INPP5A: variants seen among roughly 807,000 people sequenced by gnomAD.
INPP5A encodes inositol polyphosphate-5-phosphatase A.
INPP5A carries 14 observed loss-of-function variants against 65.2 expected under a neutral mutation model. The ratio of observed to expected loss-of-function variants is 0.21; its 90% CI spans 0.14 to 0.34. INPP5A has a LOEUF of 0.34. Among genes scored for constraint, INPP5A ranks in the 10% least tolerant of loss-of-function variants. The pLI is 1.00. For missense variants in INPP5A, 431 were observed against 545.6 expected (o/e 0.79, Z 2.09); for synonymous variants, 207 against 208.3 (o/e 0.99, Z 0.05).
intron 8 of INPP5A, among the ~76,000 whole-genome samples, chr10:132,721,278 C>T (rs539820033): frequency 2.7e-4 from 34 of 124,826 alleles, no homozygotes; most frequent in Non-Finnish European, 4.2e-4. Context: ...AGCTGTCTTG[C>T]GGGTTCTGTG....
intron 1 of INPP5A, among the ~76,000 whole-genome samples, chr10:132,561,403 AT>A (rs2071203743): frequency 6.6e-6 from 1 of 151,798 alleles, no homozygotes; most frequent in Non-Finnish European, 1.5e-5. Context: ...AGGGGTCTTC[AT>A]TCTTTTGCAT....
rs553774300 is a variant in INPP5A at position 132,538,462 on chromosome 10, A to G, written c.75+291A>G. On this transcript the variant is annotated intron_variant, in intron 1 of 15. Transcript: ENST00000368594. This position sits in a 1 kb window ranked among gnomAD's most constrained non-coding sequence, Gnocchi z 4.1. The stretch of plus-strand genomic sequence containing the variant: ...GTTGACCCTGGGACCCTGCCTCTGA[A>G]CTCCTGTCTGCAAATCCTGACCTCG... Among the ~76,000 whole-genome samples the G allele has an allele frequency of 2.6e-5, 4 of 151,668 alleles. No homozygotes were observed. The highest frequency in any genetic ancestry group is 6.6e-5 in the Admixed American group (1 of 15,230).
intron 7 of INPP5A, 42 bp downstream of exon 7, chr10:132,708,407 T>A (rs1425776500): frequency 3.8e-6 from 6 of 1,575,608 alleles, no homozygotes; most frequent in Non-Finnish European, 5.2e-6. Context: ...TAACGTTTCT[T>A]ACCCTTTTAT....
In INPP5A at chr10:132,616,351, G is replaced by A. The variant is rs919532616; in HGVS notation, c.117+8395G>A. Among the ~76,000 whole-genome samples, 1 of 151,938 alleles carries A rather than the reference G, an allele frequency of 6.6e-6. No individual in the cohort carries two copies. The highest frequency in any genetic ancestry group is 1.5e-5 in the Non-Finnish European group (1 of 67,966). On this transcript the variant is annotated intron_variant, in intron 2 of 15. Transcript: ENST00000368594. This position sits in a 1 kb window ranked among gnomAD's most constrained non-coding sequence, Gnocchi z 4.9. ...GCAGGGACGCCGTGGGCGTGGTGTGGGGCACGTGGCGTGCGGGGACGCCGT... is the reference window on the plus strand; with the variant it reads ...GCAGGGACGCCGTGGGCGTGGTGTGAGGCACGTGGCGTGCGGGGACGCCGT...
chr10:132,606,248 C>T (rs895252734), intron 1 of INPP5A, among the ~76,000 whole-genome samples: 1 of 149,356 alleles, frequency 6.7e-6, no homozygotes, highest in Admixed American at 6.6e-5. Context: ...GGCGGGACAG[C>T]GGCGTGGGTC....
chr10:132,723,466 CAT>C (rs1564984316), intron 8 of INPP5A, among the ~76,000 whole-genome samples: 107 of 146,204 alleles, frequency 7.3e-4, no homozygotes, highest in Middle Eastern at 3.6e-3. Context: ...GGGGATTGGC[CAT>C]GTGGGGATTG....
intron 1 of INPP5A, among the ~76,000 whole-genome samples, chr10:132,592,172 A>G (rs2071627799): frequency 6.6e-6 from 1 of 152,246 alleles, no homozygotes; most frequent in South Asian, 2.1e-4. Context: ...AACCCCAGAA[A>G]GACAGCAAAT....
At position 132,628,474 on chromosome 10, in the gene INPP5A, G is replaced by T. The variant is rs893057819; in HGVS notation, c.118-17394G>T. On this transcript the variant is annotated intron_variant, in intron 2 of 15. Coordinates refer to ENST00000368594, the MANE Select transcript of INPP5A (RefSeq NM_005539.5). ...ATGTGCTCTGGTGGCGGGGGGGGGG[G>T]GGGGCGTGGCGTGGGGGACACGTAG... is the stretch of plus-strand genomic sequence containing the variant. Among the ~76,000 whole-genome samples the T allele has an allele frequency of 2.8e-3, 426 of 150,676 alleles. 19 individuals carry two copies. Among genetic ancestry groups the T allele is most frequent in the African/African-American group, 1.0e-2 (407 of 40,816 alleles).
chr10:132,556,638 G>C (rs529538591), intron 1 of INPP5A, among the ~76,000 whole-genome samples: 2 of 152,166 alleles, frequency 1.3e-5, no homozygotes, highest in African/African-American at 4.8e-5. Flanking sequence ...CCAGGCCGTC[G>C]GAGAGTCCCT....
At chr10:132,592,603 T>C (rs2819717) in intron 1 of INPP5A, among the ~76,000 whole-genome samples, 114,729 of 152,196 alleles carry the variant, frequency 0.75, 44,092 homozygotes, top group African/African-American at 0.91. Context: ...GATGGGGTTT[T>C]GTGATGTTGG....
chr10:132,653,818 CA>C (rs544605412), intron 4 of INPP5A, among the ~76,000 whole-genome samples: 123 of 152,338 alleles, frequency 8.1e-4, no homozygotes, highest in African/African-American at 2.9e-3. Context: ...CGGCAGCCTT[CA>C]GCGCGGGGAG....
chr10:132,555,462 G>A lies in INPP5A; in HGVS notation c.75+17291G>A, dbSNP rs769141929. ...GGGGCTTGGGCTGGGGCGTGGCCAC[G>A]CTGGGAGGATGAGGAGCTTGAAGTG... is the stretch of plus-strand genomic sequence containing the variant. On this transcript the variant is annotated intron_variant, in intron 1 of 15. Transcript: ENST00000368594. The surrounding 1 kb of genome is among the most constrained non-coding windows in gnomAD (Gnocchi z 4.4). Among the ~76,000 whole-genome samples, 3 of 152,158 alleles carry A rather than the reference G, an allele frequency of 2.0e-5. No individual in the cohort carries two copies. The East Asian group carries it at 5.8e-4, about 29-fold the overall frequency.
chr10:132,718,063 G>C (rs1193134344), intron 8 of INPP5A, among the ~76,000 whole-genome samples: 3 of 150,286 alleles, frequency 2.0e-5, no homozygotes, highest in African/African-American at 7.4e-5. Flanking sequence ...GGGTTCTGTG[G>C]TGCGTGGGTT....
At chr10:132,583,529 G>A (rs556295745) in intron 1 of INPP5A, among the ~76,000 whole-genome samples, 3 of 152,054 alleles carry the variant, frequency 2.0e-5, no homozygotes, top group Non-Finnish European at 4.4e-5. Flanking sequence ...TGAGTATCTG[G>A]AGTGTTTTTG....
At chr10:132,686,381 T>C (rs1357466696) in intron 4 of INPP5A, among the ~76,000 whole-genome samples, 1 of 152,244 alleles carries the variant, frequency 6.6e-6, no homozygotes, top group Non-Finnish European at 1.5e-5. Context: ...AGTATTTTGT[T>C]TTTAGCAAGA....
chr10:132,756,314 T>C (rs572509922), intron 11 of INPP5A, among the ~76,000 whole-genome samples: 23 of 152,236 alleles, frequency 1.5e-4, no homozygotes, highest in Admixed American at 3.9e-4. Flanking sequence ...GGTGTATGTG[T>C]GTATGCATGT....
intron 1 of INPP5A, among the ~76,000 whole-genome samples, chr10:132,607,290 C>T (rs762880821): frequency 1.1e-4 from 17 of 152,206 alleles, no homozygotes; most frequent in Non-Finnish European, 2.4e-4. Flanking sequence ...TCTGGCGGGG[C>T]TGGAGTTTCC....
At chr10:132,695,201 C>T (rs1845326497) in intron 5 of INPP5A, among the ~76,000 whole-genome samples, 1 of 151,794 alleles carries the variant, frequency 6.6e-6, no homozygotes, top group Admixed American at 6.6e-5. Flanking sequence ...ATTTAAAAAT[C>T]AATTAATGTA....
chr10:132,712,878 CTG>C (rs908172137), intron 8 of INPP5A, among the ~76,000 whole-genome samples: 3 of 134,144 alleles, frequency 2.2e-5, no homozygotes, highest in African/African-American at 8.6e-5. Flanking sequence ...ATGTGTAGGC[CTG>C]TGTGGGTGTG....
Sources: gnomAD v4.1 joint callset for allele counts (sites outside exome capture counted in the v4.1 genomes callset) on GRCh38, gnomAD v4.1.1 for gene constraint, Gnocchi (gnomAD v3.1) non-coding constraint, MANE v1.5 for transcripts, NCBI Gene and HGNC (gene_info 2026-07-23, HGNC 2026-07-21) for gene names.